Variants in CBFA2T2 observed in about 807,000 individuals in gnomAD.
The protein encoded by CBFA2T2 is protein CBFA2T2.
A neutral mutation model predicts 62.2 loss-of-function variants in CBFA2T2; 11 were observed. The ratio of observed to expected loss-of-function variants is 0.18; its 90% CI spans 0.11 to 0.29. CBFA2T2 has a LOEUF of 0.29. Among genes scored for constraint, CBFA2T2 ranks in the 10% least tolerant of loss-of-function variants. The probability of loss-of-function intolerance (pLI) is 1.00; values close to 1 mark genes in which losing one functional copy is unlikely to be tolerated. For synonymous variants in CBFA2T2, 295 were observed against 287.5 expected (o/e 1.03, Z -0.27); for missense variants, 592 against 774.1 (o/e 0.76, Z 2.79).
At chr20:33,570,842 A>G (rs1005260316) in intron 1 of CBFA2T2, among the ~76,000 whole-genome samples, 1 of 152,242 alleles carries the variant, frequency 6.6e-6, no homozygotes, top group Non-Finnish European at 1.5e-5. Context: ...GGCTAATGCC[A>G]CAATGAAACT....
chr20:33,518,374 C>T (rs145619818), intron 1 of CBFA2T2, among the ~76,000 whole-genome samples: 201 of 152,132 alleles, frequency 1.3e-3, no homozygotes, highest in Non-Finnish European at 2.5e-3. Flanking sequence ...TTGTCAAAGG[C>T]CTGCTCTGAG....
At chr20:33,530,599 T>G (rs550218251) in intron 1 of CBFA2T2, among the ~76,000 whole-genome samples, 4 of 151,904 alleles carry the variant, frequency 2.6e-5, no homozygotes, top group Non-Finnish European at 5.9e-5. Context: ...GTATTTTTTG[T>G]AAAGACGGGG....
At chr20:33,612,778 T>C (rs1049181723) in intron 3 of CBFA2T2, among the ~76,000 whole-genome samples, 8 of 152,240 alleles carry the variant, frequency 5.3e-5, no homozygotes, top group African/African-American at 1.7e-4. Context: ...CCAAACAGTT[T>C]AAGAATTATT....
intron 1 of CBFA2T2, among the ~76,000 whole-genome samples, chr20:33,536,085 G>A (rs1485761512): frequency 2.6e-5 from 4 of 152,290 alleles, no homozygotes; most frequent in East Asian, 1.9e-4. Flanking sequence ...ACACAGACAC[G>A]GCAACCATCC....
chr20:33,538,927 A>G (rs773880143), intron 1 of CBFA2T2, among the ~76,000 whole-genome samples: 9 of 151,114 alleles, frequency 6.0e-5, no homozygotes, highest in African/African-American at 9.7e-5. Context: ...CACTGGTTTC[A>G]TTTTGTTCAG....
In CBFA2T2 at chr20:33,613,712, G is replaced by T. The variant is rs374828364; in HGVS notation, c.420+2377G>T. Among the ~76,000 whole-genome samples, 10 of 152,232 alleles carry T rather than the reference G, an allele frequency of 6.6e-5. No homozygotes were observed. In the East Asian group the frequency reaches 1.3e-3, roughly 21 times the overall value. On this transcript the variant is annotated intron_variant, in intron 3 of 10. Transcript: ENST00000342704. Reference sequence around the variant, plus strand: ...TACACACGGCCACCCTTATCGGTTAGGGAGAAGTTTAGTTCTTTTTTATTT... The same window carrying T: ...TACACACGGCCACCCTTATCGGTTATGGAGAAGTTTAGTTCTTTTTTATTT...
intron 1 of CBFA2T2, among the ~76,000 whole-genome samples, chr20:33,506,216 T>G (rs1372872852): frequency 6.6e-6 from 1 of 152,106 alleles, no homozygotes; most frequent in Non-Finnish European, 1.5e-5. Flanking sequence ...GAGACCACAC[T>G]GGGCCAACAC....
intron 1 of CBFA2T2, among the ~76,000 whole-genome samples, chr20:33,590,248 C>CA (rs111328507): frequency 0.036 from 3,781 of 103,668 alleles, 83 homozygotes; most frequent in African/African-American, 0.072. Context: ...TCTTTTTTTA[C>CA]AAAAAAAAAA....
At chr20:33,530,606 G>A (rs1391129030) in intron 1 of CBFA2T2, among the ~76,000 whole-genome samples, 1 of 151,188 alleles carries the variant, frequency 6.6e-6, no homozygotes, top group Admixed American at 6.6e-5. Context: ...TTGTAAAGAC[G>A]GGGTTTCACT....
chr20:33,517,202 G>T (rs940330633), intron 1 of CBFA2T2, among the ~76,000 whole-genome samples: 1 of 152,110 alleles, frequency 6.6e-6, no homozygotes, highest in African/African-American at 2.4e-5. Flanking sequence ...GCCTGAAAGT[G>T]GAAAAAGGAA....
chr20:33,588,373 AATAT>A (rs2014470980), intron 1 of CBFA2T2, among the ~76,000 whole-genome samples: 1 of 150,230 alleles, frequency 6.7e-6, no homozygotes, highest in Non-Finnish European at 1.5e-5. Context: ...TATATATATA[AATAT>A]ATATAGATCA....
intron 1 of CBFA2T2, among the ~76,000 whole-genome samples, chr20:33,599,965 T>C (rs932341136): frequency 6.6e-6 from 1 of 152,160 alleles, no homozygotes; most frequent in Non-Finnish European, 1.5e-5. Flanking sequence ...TATAAACAGT[T>C]GTTTCTGGCC....
At position 33,644,210 on chromosome 20, in the gene CBFA2T2, G is replaced by A. The variant is rs1476275452; in HGVS notation, c.1489-137G>A. 7.2e-6 allele frequency: 6 copies of A among 828,682 alleles called. No homozygotes were observed. In the East Asian group the frequency reaches 1.6e-4, roughly 22 times the overall value. 51.3% of individuals were successfully genotyped at this position (828,682 alleles called of 1,614,324 possible). On this transcript the variant is annotated intron_variant, in intron 10 of 10. Transcript: ENST00000342704. ...TCTCATAGTTAAACAGCAGTAGAGGGCGGAGTTGACCACAGGTGTATGTAG... is the reference window on the plus strand; with the variant it reads ...TCTCATAGTTAAACAGCAGTAGAGGACGGAGTTGACCACAGGTGTATGTAG...
intron 1 of CBFA2T2, among the ~76,000 whole-genome samples, chr20:33,492,284 G>A (rs1376574325): frequency 6.6e-6 from 1 of 151,946 alleles, no homozygotes; most frequent in Non-Finnish European, 1.5e-5. Flanking sequence ...CTCCCAAAGT[G>A]CTGGGATTAC....
chr20:33,568,637 G>C (rs183206245), intron 1 of CBFA2T2, among the ~76,000 whole-genome samples: 1 of 152,060 alleles, frequency 6.6e-6, no homozygotes, highest in African/African-American at 2.4e-5. Flanking sequence ...ATCCGGCCTC[G>C]TCTGTTACTC....
intron 2 of CBFA2T2, 51 bp from the exon 3 acceptor site, chr20:33,611,043 G>A (rs185098387): frequency 3.1e-6 from 5 of 1,598,786 alleles, no homozygotes; most frequent in South Asian, 1.1e-5. Context: ...ATGAACAAAG[G>A]TTCCCTTGTT....
chr20:33,581,797 A>G (rs2014128325), intron 1 of CBFA2T2, among the ~76,000 whole-genome samples: 1 of 152,212 alleles, frequency 6.6e-6, no homozygotes, highest in Non-Finnish European at 1.5e-5. Flanking sequence ...TTTGCAAATC[A>G]GTGAACTAAG....
chr20:33,606,068 C>T (rs1316156324), intron 1 of CBFA2T2, among the ~76,000 whole-genome samples: 2 of 152,166 alleles, frequency 1.3e-5, no homozygotes, highest in African/African-American at 2.4e-5. Flanking sequence ...ATCCACCCGC[C>T]TCAGCCTCCC....
In CBFA2T2 at chr20:33,611,085, T is replaced by G. The variant is rs768297653; in HGVS notation, c.179-9T>G. 2.2e-5 allele frequency: 36 copies of G among 1,612,910 alleles called. No homozygotes were observed. The Admixed American group carries it at 5.8e-4, about 26-fold the overall frequency. ...GTAACCTGAGTCTTTCATTTTGGCT[T>G]TCTTTTAGTAAGCAATGGCATCAAC... On this transcript the variant is annotated splice_polypyrimidine_tract_variant and intron_variant, in intron 2 of 10. Transcript: ENST00000342704.
Sources: allele counts gnomAD v4.1 joint callset (sites outside exome capture counted in the v4.1 genomes callset), GRCh38; gene constraint gnomAD v4.1.1; transcripts MANE v1.5; gene names NCBI Gene and HGNC (gene_info 2026-07-23, HGNC 2026-07-21).